B3GALNT2: variants seen among roughly 807,000 people sequenced by gnomAD.
The protein encoded by B3GALNT2 is beta-1,3-N-acetylgalactosaminyltransferase 2.
A neutral mutation model predicts 61.1 loss-of-function variants in B3GALNT2; 53 were observed. The observed-to-expected ratio is 0.87, with a 90% CI of 0.70 to 1.09. The LOEUF is 1.09. Ranked by LOEUF, B3GALNT2 falls within the 50% of genes least tolerant of loss-of-function variation. B3GALNT2 has a pLI of 0.00. For synonymous variants in B3GALNT2, 223 were observed against 237.4 expected (o/e 0.94, Z 0.56); for missense variants, 544 against 623.0 (o/e 0.87, Z 1.35).
At chr1:235,477,733 T>C (rs1325601817) in intron 5 of B3GALNT2, among the ~76,000 whole-genome samples, 1 of 152,196 alleles carries the variant, frequency 6.6e-6, no homozygotes, top group Admixed American at 6.5e-5. Context: ...AGTGTCTCTA[T>C]ACACTGCTCT....
chr1:235,465,985 C>T (rs914720540), intron 6 of B3GALNT2, among the ~76,000 whole-genome samples: 6 of 152,056 alleles, frequency 3.9e-5, no homozygotes, highest in East Asian at 3.8e-4. Flanking sequence ...TATGTACTTG[C>T]TACTCTAGTA....
intron 4 of B3GALNT2, among the ~76,000 whole-genome samples, chr1:235,483,998 A>G (rs1205463006): frequency 1.3e-5 from 2 of 152,172 alleles, no homozygotes; most frequent in Non-Finnish European, 2.9e-5. Context: ...AATAATACTC[A>G]CTTATCCTAA....
the B3GALNT2 span, chr1:235,441,738 T>G: frequency 3.0e-6 from 4 of 1,331,964 alleles, no homozygotes; most frequent in Non-Finnish European, 3.2e-6. Flanking sequence ...TACCTATCCT[T>G]TGTTTGTTTG....
intron 2 of B3GALNT2, among the ~76,000 whole-genome samples, chr1:235,494,385 A>G (rs563545414): frequency 6.6e-6 from 1 of 152,160 alleles, no homozygotes; most frequent in African/African-American, 2.4e-5. Flanking sequence ...AGCAAATGAA[A>G]CAGCCATTTC....
chr1:235,491,951 C>A (rs1427672624), intron 2 of B3GALNT2, among the ~76,000 whole-genome samples: 3 of 152,194 alleles, frequency 2.0e-5, no homozygotes, highest in Admixed American at 6.5e-5. Flanking sequence ...TTCTCAAACA[C>A]CCCGGGCTAT....
Position 235,448,686 on chromosome 1 carries a change from T to C in B3GALNT2, c.*1520A>G. The C allele has an allele frequency of 6.2e-7, 1 of 1,614,036 alleles. No individual in the cohort carries two copies. The highest frequency in any genetic ancestry group is 8.5e-7 in the Non-Finnish European group (1 of 1,179,956). On this transcript the variant is annotated 3_prime_UTR_variant, in exon 12 of 12. Transcript: ENST00000366600. Reference sequence around the variant, plus strand: ...TAATTTTAGAAGCCGGGCAGAGAAATCGAGCTGGAAAATGACCTAAAGTCA... The same window carrying C: ...TAATTTTAGAAGCCGGGCAGAGAAACCGAGCTGGAAAATGACCTAAAGTCA...
At chr1:235,476,550 C>T (rs1230065018) in intron 5 of B3GALNT2, among the ~76,000 whole-genome samples, 1 of 151,080 alleles carries the variant, frequency 6.6e-6, no homozygotes, top group East Asian at 2.0e-4. Flanking sequence ...CCCATCTGTA[C>T]AAGAAATAAA....
chr1:235,455,808 T>C, intron 8 of B3GALNT2, 124 bp from the exon 9 acceptor site: 1 of 1,231,520 alleles, frequency 8.1e-7, no homozygotes. Context: ...ATTCCTCAAA[T>C]GTTGAGAACA....
intron 3 of B3GALNT2, among the ~76,000 whole-genome samples, chr1:235,488,692 CAAAAAAAAAAAAAAAAAA>C (rs11436508): frequency 2.6e-5 from 1 of 37,970 alleles, no homozygotes; most frequent in Non-Finnish European, 4.4e-5. Flanking sequence ...ACTCCATCTC[CAAAAAAAAAAAAAAAAAA>C]AAAAAAAAAA....
chr1:235,477,832 T>C (rs1684360346), intron 5 of B3GALNT2, among the ~76,000 whole-genome samples: 1 of 152,210 alleles, frequency 6.6e-6, no homozygotes, highest in Admixed American at 6.5e-5. Context: ...ATAATGATAA[T>C]GACAACATCT....
In B3GALNT2 at chr1:235,484,459, G is replaced by A. The variant is rs931059691; in HGVS notation, c.418C>T (p.Pro140Ser). ...CTCACGCTGACAACTCGATCCTCAG[G>A]CAGCCCCGATGAAGTGTCTTCGGAC... The part of the protein sequence containing the change: ...SLSEDTSSGL[P>S]EDRVVSVSFR... The change falls in exon 4 of 12, where the codon CCT becomes TCT. Residue 140 changes from proline to serine, a missense_variant. Coordinates refer to ENST00000366600, the MANE Select transcript of B3GALNT2 (RefSeq NM_152490.5). The A allele has an allele frequency of 1.2e-6, 2 of 1,614,012 alleles. No individual in the cohort carries two copies. The highest frequency in any genetic ancestry group is 1.6e-4 in the Middle Eastern group (1 of 6,084).
At chr1:235,461,995 C>T (rs978538140) in intron 7 of B3GALNT2, among the ~76,000 whole-genome samples, 5 of 152,196 alleles carry the variant, frequency 3.3e-5, no homozygotes, top group Non-Finnish European at 7.3e-5. Flanking sequence ...TTTTGCCCAA[C>T]TGTGGGCTAA....
At chr1:235,504,113 G>A (rs1248673370) in intron 1 of B3GALNT2, 28 bp downstream of exon 1, 4 of 1,143,756 alleles carry the variant, frequency 3.5e-6, no homozygotes, top group South Asian at 4.3e-5. Flanking sequence ...CCCGGCGGCC[G>A]CCAACCCGCC....
At position 235,477,536 on chromosome 1, in the gene B3GALNT2, C is replaced by A. The variant is rs1684343434; in HGVS notation, c.651+2518G>T. Among the ~76,000 whole-genome samples the A allele has an allele frequency of 2.0e-5, 3 of 151,780 alleles. No individual in the cohort carries two copies. In the East Asian group the frequency reaches 5.8e-4, roughly 29 times the overall value. Reference sequence around the variant, plus strand: ...AAGTTCATTTTCTTCCTCTTTGCTGCACCCCATGTGACTTTCTTTTGGAAT... The same window carrying A: ...AAGTTCATTTTCTTCCTCTTTGCTGAACCCCATGTGACTTTCTTTTGGAAT... On this transcript the variant is annotated intron_variant, in intron 5 of 11. Transcript: ENST00000366600.
chr1:235,499,914 G>C (rs974128881), intron 1 of B3GALNT2, among the ~76,000 whole-genome samples: 4 of 152,118 alleles, frequency 2.6e-5, no homozygotes, highest in African/African-American at 7.2e-5. Context: ...TATATAGAAA[G>C]GAGGTGGTGG....
chr1:235,461,029 G>C (rs1288430088), intron 7 of B3GALNT2, among the ~76,000 whole-genome samples: 2 of 152,172 alleles, frequency 1.3e-5, no homozygotes. Flanking sequence ...CGCTGTGGCA[G>C]GAGACGTCAG....
chr1:235,498,568 G>A (rs189534786), intron 1 of B3GALNT2, among the ~76,000 whole-genome samples: 1 of 152,252 alleles, frequency 6.6e-6, no homozygotes, highest in Admixed American at 6.5e-5. Context: ...GCCGGGCACG[G>A]TGGCTCATGC....
At chr1:235,467,115 G>C (rs568035521) in intron 6 of B3GALNT2, among the ~76,000 whole-genome samples, 2 of 152,264 alleles carry the variant, frequency 1.3e-5, no homozygotes, top group East Asian at 3.9e-4. Flanking sequence ...TTGGGAGGCG[G>C]AGGCGGGCGG....
At chr1:235,443,051 A>G, downstream of B3GALNT2, 1 of 831,776 alleles carries the variant, frequency 1.2e-6, no homozygotes, top group Middle Eastern at 2.3e-4. Flanking sequence ...TTTATATTCT[A>G]AAATACAATC....
Sources: allele counts gnomAD v4.1 joint callset (sites outside exome capture counted in the v4.1 genomes callset), GRCh38; gene constraint gnomAD v4.1.1; transcripts MANE v1.5; gene names NCBI Gene and HGNC (gene_info 2026-07-23, HGNC 2026-07-21).